The following DTNA variants were observed in gnomAD, a reference collection of about 807,000 sequenced individuals.
The protein encoded by DTNA is dystrobrevin alpha, also known as dystrophin-related protein 3.
A neutral mutation model predicts 100.7 loss-of-function variants in DTNA; 43 were observed. The observed-to-expected ratio is 0.43, with a 90% CI of 0.33 to 0.55. The LOEUF (loss-of-function observed/expected upper bound fraction) is 0.55, where lower values mean the gene tolerates loss of function less well. DTNA is among the 20% of genes least tolerant of loss of function. The pLI, the probability that DTNA is intolerant of heterozygous loss-of-function variation, is 0.04. For synonymous variants in DTNA, 349 were observed against 347.9 expected (o/e 1.00, Z -0.04); for missense variants, 798 against 953.9 (o/e 0.84, Z 2.15).
At chr18:34,623,024 C>G (rs1191223804) in intron 1 of DTNA, among the ~76,000 whole-genome samples, 1 of 152,164 alleles carries the variant, frequency 6.6e-6, no homozygotes, top group African/African-American at 2.4e-5. Context: ...TAACATCAGA[C>G]TCTCTTAAAA....
chr18:34,798,344 C>T (rs2095070542), intron 4 of DTNA, among the ~76,000 whole-genome samples: 1 of 152,040 alleles, frequency 6.6e-6, no homozygotes, highest in Non-Finnish European at 1.5e-5. Context: ...CTTCCTTGAT[C>T]TCCAATATAT....
Position 34,532,539 on chromosome 18 carries a change from GT to G in DTNA, c.-2+39034del, listed in dbSNP as rs1028625531. The stretch of plus-strand genomic sequence containing the variant: ...GAAGCAATTGAAGTTTGTTGTTTTG[GT>G]TTTTTTTTAGCACTTAACACCCGGA... On this transcript the variant is annotated intron_variant, in intron 1 of 19. Coordinates refer to the DTNA transcript ENST00000283365. Among the ~76,000 whole-genome samples the G allele has an allele frequency of 2.8e-3, 415 of 150,836 alleles. 1 individual carries two copies. Among genetic ancestry groups the G allele is most frequent in the African/African-American group, 9.7e-3 (398 of 41,166 alleles).
intron 1 of DTNA, among the ~76,000 whole-genome samples, chr18:34,554,540 A>G (rs1272411166): frequency 1.3e-5 from 2 of 151,616 alleles, no homozygotes; most frequent in Non-Finnish European, 2.9e-5. Context: ...TTATTTTGAA[A>G]TATGTCCCAT....
At chr18:34,844,421 CT>C (rs2096336728) in intron 13 of DTNA, among the ~76,000 whole-genome samples, 1 of 152,090 alleles carries the variant, frequency 6.6e-6, no homozygotes, top group East Asian at 1.9e-4. Context: ...CACTTTGTTC[CT>C]TTCTACCCTG....
intron 1 of DTNA, among the ~76,000 whole-genome samples, chr18:34,596,576 T>C (rs28455147): frequency 0.078 from 11,842 of 152,232 alleles, 572 homozygotes; most frequent in African/African-American, 0.12. Flanking sequence ...CATACAAATA[T>C]CTTATTACAT....
intron 3 of DTNA, among the ~76,000 whole-genome samples, chr18:34,777,288 C>T (rs1454798156): frequency 6.6e-6 from 1 of 152,110 alleles, no homozygotes; most frequent in African/African-American, 2.4e-5. Flanking sequence ...ATTAGTAAAT[C>T]AACATTTTGA....
chr18:34,499,574 T>C (rs1433372697), intron 1 of DTNA, among the ~76,000 whole-genome samples: 7 of 152,254 alleles, frequency 4.6e-5, no homozygotes, highest in Non-Finnish European at 7.3e-5. Context: ...TGTGCCATTT[T>C]ACATCCCCAT....
chr18:34,771,865 T>A (rs981589429), intron 3 of DTNA, among the ~76,000 whole-genome samples: 4 of 152,232 alleles, frequency 2.6e-5, no homozygotes, highest in Non-Finnish European at 5.9e-5. Flanking sequence ...TCAGCCTTTA[T>A]TTTAGACAAA....
In DTNA at chr18:34,879,997, A is replaced by C. The variant is rs112719013; in HGVS notation, c.2162+278A>C. On this transcript the variant is annotated intron_variant, in intron 20 of 22. Transcript: ENST00000444659. Reference sequence around the variant, plus strand: ...GCACATTGCTAGTGCTATACAAAATAGTATTAAAAAACTGCTGCCACCCTT... The same window carrying C: ...GCACATTGCTAGTGCTATACAAAATCGTATTAAAAAACTGCTGCCACCCTT... Among the ~76,000 whole-genome samples the C allele has an allele frequency of 2.3e-4, 35 of 152,286 alleles. 1 individual carries two copies. Among genetic ancestry groups the C allele is most frequent in the African/African-American group, 8.4e-4 (35 of 41,560 alleles).
At chr18:34,750,797 C>G (rs2092244508) in intron 1 of DTNA, among the ~76,000 whole-genome samples, 1 of 152,168 alleles carries the variant, frequency 6.6e-6, no homozygotes, top group Admixed American at 6.5e-5. Flanking sequence ...TCTTATATAT[C>G]ATGCGTAATA....
chr18:34,775,028 C>T (rs1381459861), intron 3 of DTNA, among the ~76,000 whole-genome samples: 1 of 152,226 alleles, frequency 6.6e-6, no homozygotes, highest in Non-Finnish European at 1.5e-5. Flanking sequence ...AAAATGGCTC[C>T]TAAAACTTCC....
intron 1 of DTNA, among the ~76,000 whole-genome samples, chr18:34,639,204 G>A (rs1330716543): frequency 6.6e-6 from 1 of 152,164 alleles, no homozygotes; most frequent in Non-Finnish European, 1.5e-5. Flanking sequence ...TCTTCACATT[G>A]ACATTTCAGG....
intron 1 of DTNA, among the ~76,000 whole-genome samples, chr18:34,754,989 G>T (rs2092672712): frequency 6.6e-6 from 1 of 152,190 alleles, no homozygotes; most frequent in Non-Finnish European, 1.5e-5. Context: ...TTGAGAAAGA[G>T]CAGGGGCCAT....
At position 34,746,516 on chromosome 18, in the gene DTNA, C is replaced by A. The variant is rs532165391; in HGVS notation, c.-1-9460C>A. ...TGAGAAATACAGATGCACACATGTA[C>A]ACAGTCATTCTGCCAAGATACATCG... On this transcript the variant is annotated intron_variant, in intron 1 of 22. Coordinates refer to ENST00000444659, the MANE Select transcript of DTNA (RefSeq NM_001386795.1). Among the ~76,000 whole-genome samples, 13 of 151,926 alleles carry A rather than the reference C, an allele frequency of 8.6e-5. No homozygotes were observed. In the South Asian group the frequency reaches 1.0e-3, roughly 12 times the overall value.
intron 1 of DTNA, among the ~76,000 whole-genome samples, chr18:34,555,882 A>G (rs2045978765): frequency 6.6e-6 from 1 of 152,162 alleles, no homozygotes; most frequent in Admixed American, 6.5e-5. Flanking sequence ...GATGTCTATT[A>G]GGTCCGCTTG....
At chr18:34,745,237 T>TA (rs1187607256) in intron 1 of DTNA, among the ~76,000 whole-genome samples, 1 of 151,670 alleles carries the variant, frequency 6.6e-6, no homozygotes, top group Non-Finnish European at 1.5e-5. Flanking sequence ...AACTCAGCAC[T>TA]AAAAAAAAGA....
intron 7 of DTNA, among the ~76,000 whole-genome samples, chr18:34,817,171 A>G (rs1200117239): frequency 6.6e-6 from 1 of 152,060 alleles, no homozygotes; most frequent in Non-Finnish European, 1.5e-5. Context: ...TTGAAGTCCC[A>G]CTCTAGTCTT....
intron 1 of DTNA, chr18:34,493,629 C>G (rs1353126655): frequency 1.3e-5 from 2 of 150,596 alleles, no homozygotes; most frequent in East Asian, 4.0e-4. Flanking sequence ...CCGCGCTGCC[C>G]CCGGCCGCCC....
At chr18:34,681,445 AGAT>A (rs2078092122) in intron 1 of DTNA, among the ~76,000 whole-genome samples, 1 of 152,116 alleles carries the variant, frequency 6.6e-6, no homozygotes, top group Non-Finnish European at 1.5e-5. Flanking sequence ...ACTTCCCATC[AGAT>A]CAAGAAGTAG....
Sources: allele counts gnomAD v4.1 joint callset (sites outside exome capture counted in the v4.1 genomes callset), GRCh38; gene constraint gnomAD v4.1.1; transcripts MANE v1.5; gene names NCBI Gene and HGNC (gene_info 2026-07-23, HGNC 2026-07-21).